The following COL7A1 variants were observed in gnomAD, a reference collection of about 807,000 sequenced individuals.
The protein encoded by COL7A1 is collagen alpha-1(VII) chain.
A neutral mutation model predicts 456.2 loss-of-function variants in COL7A1; 296 were observed. That is an observed-to-expected ratio of 0.65 (90% CI 0.59 to 0.71). The LOEUF is 0.71. Among genes scored for constraint, COL7A1 ranks in the 30% least tolerant of loss-of-function variants. The pLI, the probability that COL7A1 is intolerant of heterozygous loss-of-function variation, is 0.00. For missense variants in COL7A1, 3,441 were observed against 4,017.2 expected (o/e 0.86, Z 3.88); for synonymous variants, 1,464 against 1,525.9 (o/e 0.96, Z 0.95).
chr3:48,565,744 A>G lies in COL7A1; in HGVS notation c.8408-76T>C, dbSNP rs1230965218. On this transcript the variant is annotated intron_variant, in intron 114 of 118. Coordinates refer to ENST00000681320, the MANE Select transcript of COL7A1 (RefSeq NM_000094.4). This position sits in a 1 kb window ranked among gnomAD's most constrained non-coding sequence, Gnocchi z 4.5. ...AAGATGGAGAGACAGACAGAGACAC[A>G]CAGGCAGAGGGGTAGAGATACACAA... The G allele has an allele frequency of 1.4e-6, 2 of 1,391,668 alleles. No homozygotes were observed. The highest frequency in any genetic ancestry group is 2.0e-6 in the Non-Finnish European group (2 of 998,578). 86.2% of individuals were successfully genotyped at this position (1,391,668 alleles called of 1,614,324 possible).
In COL7A1 at chr3:48,580,137, GCCC is replaced by G; in HGVS notation, c.5098-83_5098-81del. On this transcript the variant is annotated intron_variant, in intron 56 of 118. Transcript: ENST00000681320. The surrounding 1 kb of genome is among the most constrained non-coding windows in gnomAD (Gnocchi z 4.5). The stretch of plus-strand genomic sequence containing the variant: ...TCTGGTTTGCCCCAGGCTCAACTCT[GCCC>G]CCAAGTTCCCCGAAGCACCCCAATG... 3 of 1,580,400 alleles carry G rather than the reference GCCC, an allele frequency of 1.9e-6. No individual in the cohort carries two copies. The highest frequency in any genetic ancestry group is 2.6e-6 in the Non-Finnish European group (3 of 1,154,090).
Position 48,574,784 on chromosome 3 carries a change from T to C in COL7A1, c.6348+13A>G. ...TGGCAGAGGGTGGCCCCGAGCTGAT[T>C]CCACACACTGACCTTAGCACCCTTG... On this transcript the variant is annotated intron_variant, in intron 77 of 118. Transcript: ENST00000681320. The surrounding 1 kb of genome is among the most constrained non-coding windows in gnomAD (Gnocchi z 5.0). The C allele has an allele frequency of 1.9e-6, 3 of 1,613,986 alleles. No individual in the cohort carries two copies. The highest frequency in any genetic ancestry group is 2.5e-6 in the Non-Finnish European group (3 of 1,180,010).
rs769808015 is a variant in COL7A1, at chr3:48,590,268, C to A, written c.1995G>T (p.Val665=). 3.7e-6 allele frequency: 6 copies of A among 1,613,964 alleles called. No individual in the cohort carries two copies. The East Asian group carries it at 1.1e-4, about 30-fold the overall frequency. ...LQPGTTYQVA[V]SVLRGREEGP... ...CCTCCTCTCTGCCTCGCAGTACCGA[C>A]ACAGCCACCTGGTAGGTGGTTCCAG... The change falls in exon 16 of 119, where the codon GTG becomes GTT. Residue 665 remains valine, a synonymous_variant. Transcript: ENST00000681320. This position sits in a 1 kb window ranked among gnomAD's most constrained non-coding sequence, Gnocchi z 4.6.
rs770409173 is a variant in COL7A1, at chr3:48,575,292, C to T, written c.6180+47G>A. 2.5e-6 allele frequency: 4 copies of T among 1,611,400 alleles called. No individual in the cohort carries two copies. The South Asian group carries it at 3.3e-5, about 13-fold the overall frequency. On this transcript the variant is annotated intron_variant, in intron 74 of 118. Transcript: ENST00000681320. This position sits in a 1 kb window ranked among gnomAD's most constrained non-coding sequence, Gnocchi z 6.3. ...GCCAAGCCCATGGGGGGTCCCACCC[C>T]TCCCAACCCCTCTTCCCTCACTCTC...
rs1393537216 is a variant in COL7A1 at position 48,585,955 on chromosome 3, T to C, written c.3744A>G (p.Pro1248=). 6.2e-7 allele frequency: 1 copy of C among 1,613,912 alleles called. No individual in the cohort carries two copies. The highest frequency in any genetic ancestry group is 1.3e-5 in the African/African-American group (1 of 74,900). The change falls in exon 29 of 119, where the codon CCA becomes CCG. Residue 1248 remains proline, a synonymous_variant. Transcript: ENST00000681320. The surrounding 1 kb of genome is among the most constrained non-coding windows in gnomAD (Gnocchi z 4.5). ...FTTQPRPEPC[P]VYCPKGQKGE... is the part of the protein sequence containing the mutation. Reference sequence around the variant, plus strand: ...GGACTCTTACCTTTGGACAATACACTGGGCAGGGCTCTGGCCGGGGCTGCG... The same window carrying C: ...GGACTCTTACCTTTGGACAATACACCGGGCAGGGCTCTGGCCGGGGCTGCG...
At position 48,564,707 on chromosome 3, in the gene COL7A1, C is replaced by T. The variant is rs776300078; in HGVS notation, c.8818+76G>A. ...CAGGACCCTGACCTGGAACCCTGGC[C>T]CAAGGACTCCTCCCCCAGAACCCGA... On this transcript the variant is annotated intron_variant, in intron 118 of 118. Transcript: ENST00000681320. This position sits in a 1 kb window ranked among gnomAD's most constrained non-coding sequence, Gnocchi z 6.0. The T allele has an allele frequency of 2.8e-4, 416 of 1,503,258 alleles. No homozygotes were observed. Among genetic ancestry groups the T allele is most frequent in the Non-Finnish European group, 3.5e-4 (390 of 1,107,546 alleles). The allele number at this position is 1,503,258 out of a possible 1,614,324, so 93.1% of individuals were successfully genotyped here.
At position 48,575,908 on chromosome 3, in the gene COL7A1, G is replaced by A; in HGVS notation, c.5821-6C>T. 1.9e-6 allele frequency: 3 copies of A among 1,614,146 alleles called. No individual in the cohort carries two copies. On this transcript the variant is annotated splice_polypyrimidine_tract_variant and splice_region_variant and intron_variant, in intron 71 of 118. Coordinates refer to ENST00000681320, the MANE Select transcript of COL7A1 (RefSeq NM_000094.4). The surrounding 1 kb of genome is among the most constrained non-coding windows in gnomAD (Gnocchi z 6.3). ...TCCAGCAACCGATCCACATTCTGGGGACAAAGTCTGGGTGAAGGGCTGCCC... is the reference window on the plus strand; with the variant it reads ...TCCAGCAACCGATCCACATTCTGGGAACAAAGTCTGGGTGAAGGGCTGCCC...
Position 48,576,675 on chromosome 3 carries a change from C to T in COL7A1, c.5700+1G>A. On this transcript the variant is annotated splice_donor_variant, in intron 68 of 118. Coordinates refer to ENST00000681320, the MANE Select transcript of COL7A1 (RefSeq NM_000094.4). LOFTEE classifies it high-confidence loss of function. ...GTCCCAGAATGACCCAGGACACTCA[C>T]CTGGCCAGGAGGGCCCACTGGCCCT... 1 of 1,604,292 alleles carries T rather than the reference C, an allele frequency of 6.2e-7. No individual in the cohort carries two copies. Among genetic ancestry groups the T allele is most frequent in the Non-Finnish European group, 8.5e-7 (1 of 1,175,952 alleles).
Position 48,588,511 on chromosome 3 carries a change from C to T in COL7A1, c.2588-107G>A. 10 of 1,598,666 alleles carry T rather than the reference C, an allele frequency of 6.3e-6. No homozygotes were observed. The highest frequency in any genetic ancestry group is 8.5e-6 in the Non-Finnish European group (10 of 1,174,232). On this transcript the variant is annotated intron_variant, in intron 20 of 118. Coordinates refer to ENST00000681320, the MANE Select transcript of COL7A1 (RefSeq NM_000094.4). This position sits in a 1 kb window ranked among gnomAD's most constrained non-coding sequence, Gnocchi z 4.6. ...CCCGCCCAGCCTCTCAGACCCCTCT[C>T]CCTCCTCTCAGACCCTGCCCCCAAA...
At position 48,587,318 on chromosome 3, in the gene COL7A1, T is replaced by G. The variant is rs751571665; in HGVS notation, c.3011A>C (p.Gln1004Pro). 1.2e-6 allele frequency: 2 copies of G among 1,601,336 alleles called. No homozygotes were observed. Among genetic ancestry groups the G allele is most frequent in the Non-Finnish European group, 1.7e-6 (2 of 1,173,900 alleles). Residue 1004 changes from glutamine (Q) to proline (P), a missense_variant, in exon 24 of 119, where the codon CAG (glutamine) becomes CCG (proline). Physicochemically the swap from Gln to Pro is moderately conservative, Grantham distance 76 (BLOSUM62 -1). Transcript: ENST00000681320. The surrounding 1 kb of genome is among the most constrained non-coding windows in gnomAD (Gnocchi z 6.1). The part of the protein sequence containing the change: ...GPGQEVPGSP[Q>P]TLPGISSSQR... The stretch of plus-strand genomic sequence containing the variant: ...GGAGCTTGAGATCCCTGGAAGTGTC[T>G]GCGGGGACCCAGGCACTTCTGCAGG...
Position 48,590,358 on chromosome 3 carries a change from T to G in COL7A1, c.1907-2A>C. 1.2e-6 allele frequency: 2 copies of G among 1,614,044 alleles called. No individual in the cohort carries two copies. The highest frequency in any genetic ancestry group is 1.7e-6 in the Non-Finnish European group (2 of 1,179,994). ...GCAGTGTCTGGCTGGACTCCGGACC[T>G]GAGGTCAGAGGGAAATGCTGGCATG... On this transcript the variant is annotated splice_acceptor_variant, in intron 15 of 118. Coordinates refer to ENST00000681320, the MANE Select transcript of COL7A1 (RefSeq NM_000094.4). LOFTEE classifies it high-confidence loss of function. This position sits in a 1 kb window ranked among gnomAD's most constrained non-coding sequence, Gnocchi z 4.6.
In COL7A1 at chr3:48,565,793, G is replaced by A. The variant is rs2043581827; in HGVS notation, c.8408-125C>T. The A allele has an allele frequency of 4.3e-6, 4 of 921,840 alleles. No homozygotes were observed. The highest frequency in any genetic ancestry group is 6.9e-6 in the Non-Finnish European group (4 of 577,746). 57.1% of individuals were successfully genotyped at this position (921,840 alleles called of 1,614,324 possible). A position where few individuals can be genotyped will look rare whatever the true frequency, so the allele number is the denominator to read the frequency against. On this transcript the variant is annotated intron_variant, in intron 114 of 118. Transcript: ENST00000681320. The surrounding 1 kb of genome is among the most constrained non-coding windows in gnomAD (Gnocchi z 4.5). Reference sequence around the variant, plus strand: ...AAAGAGATAGCAGGAGAGGGTAACAGGAGAGAGAGGAAGAGAGAGGGTGGG... The same window carrying A: ...AAAGAGATAGCAGGAGAGGGTAACAAGAGAGAGAGGAAGAGAGAGGGTGGG...
At position 48,574,152 on chromosome 3, in the gene COL7A1, C is replaced by T. The variant is rs2044123689; in HGVS notation, c.6501+110G>A. On this transcript the variant is annotated intron_variant, in intron 80 of 118. Transcript: ENST00000681320. This position sits in a 1 kb window ranked among gnomAD's most constrained non-coding sequence, Gnocchi z 5.0. ...AAGCAGGCACACACAGAGAGGCACA[C>T]AGACACAGGTACACACAAACACACA... 3 of 1,401,262 alleles carry T rather than the reference C, an allele frequency of 2.1e-6. No individual in the cohort carries two copies. Among genetic ancestry groups the T allele is most frequent in the Non-Finnish European group, 3.0e-6 (3 of 994,824 alleles). The allele number at this position is 1,401,262 out of a possible 1,614,324, so 86.8% of individuals were successfully genotyped here.
In COL7A1 at chr3:48,591,898, C is replaced by T; in HGVS notation, c.1357G>A (p.Gly453Ser). The change falls in exon 11 of 119, where the codon GGC becomes AGC. Residue 453 changes from glycine (G) to serine (S), a missense_variant and splice_region_variant. By Grantham distance (56) the Gly-to-Ser change is moderately conservative. Coordinates refer to ENST00000681320, the MANE Select transcript of COL7A1 (RefSeq NM_000094.4). This position sits in a 1 kb window ranked among gnomAD's most constrained non-coding sequence, Gnocchi z 7.0. ...TGTCCATCCCTTCCCCCGCACTGAC[C>T]AGTCTCACGCCGCCATTCCAACCGG... ...GYRLEWRRETGLEPPQKVVLP... is the reference protein window; with the variant it reads ...GYRLEWRRETSLEPPQKVVLP... The T allele has an allele frequency of 6.2e-7, 1 of 1,614,174 alleles. No individual in the cohort carries two copies. Among genetic ancestry groups the T allele is most frequent in the Non-Finnish European group, 8.5e-7 (1 of 1,180,030 alleles).
chr3:48,565,453 G>T lies in COL7A1; in HGVS notation c.8484C>A (p.Leu2828=). The T allele has an allele frequency of 6.2e-7, 1 of 1,613,210 alleles. No individual in the cohort carries two copies. Among genetic ancestry groups the T allele is most frequent in the Non-Finnish European group, 8.5e-7 (1 of 1,179,654 alleles). The change falls in exon 116 of 119, where the codon CTC becomes CTA. Residue 2828 remains leucine (L), a synonymous_variant. Coordinates refer to ENST00000681320, the MANE Select transcript of COL7A1 (RefSeq NM_000094.4). This position sits in a 1 kb window ranked among gnomAD's most constrained non-coding sequence, Gnocchi z 4.5. ...AGACGCGGAGCACAGGCACAGCATG[G>T]AGCTGGGAGCCGGCAGTGTCTGCAG... is the stretch of plus-strand genomic sequence containing the variant. ...SYAADTAGSQ[L]HAVPVLRVSH... is the part of the protein sequence containing the mutation.
At position 48,593,501 on chromosome 3, in the gene COL7A1, G is replaced by A; in HGVS notation, c.426+36C>T. Reference sequence around the variant, plus strand: ...CGGTTCCCCTGGACACTTCATTTGGGGTCATCTTGGGAGGCATGGTAGGGG... The same window carrying A: ...CGGTTCCCCTGGACACTTCATTTGGAGTCATCTTGGGAGGCATGGTAGGGG... On this transcript the variant is annotated intron_variant, in intron 4 of 118. Coordinates refer to ENST00000681320, the MANE Select transcript of COL7A1 (RefSeq NM_000094.4). The surrounding 1 kb of genome is among the most constrained non-coding windows in gnomAD (Gnocchi z 4.4). The A allele has an allele frequency of 6.2e-7, 1 of 1,613,964 alleles. No homozygotes were observed. The highest frequency in any genetic ancestry group is 1.1e-5 in the South Asian group (1 of 91,080).
chr3:48,575,700 T>C lies in COL7A1; in HGVS notation c.5905A>G (p.Ser1969Gly). ...CGCCGTTCGGGCACAGGCAGGAAGC[T>C]ACCAGAGCTCTCATCCCAGGTCTCC... ...IVETWDESSG[S>G]FLPVPERRRG... is the part of the protein sequence containing the mutation. The change falls in exon 73 of 119, where the codon AGC becomes GGC. Residue 1969 changes from serine to glycine, a missense_variant. Physicochemically the swap from Ser to Gly is moderately conservative, Grantham distance 56. Around this residue, in one of 3 missense-constraint regions of COL7A1, gnomAD observed 2,084 missense variants for 2,501.3 expected, o/e 0.83. Transcript: ENST00000681320. This position sits in a 1 kb window ranked among gnomAD's most constrained non-coding sequence, Gnocchi z 6.3. 1 of 1,613,742 alleles carries C rather than the reference T, an allele frequency of 6.2e-7. No homozygotes were observed. Among genetic ancestry groups the C allele is most frequent in the South Asian group, 1.1e-5 (1 of 91,090 alleles).
rs1465875669 is a variant in COL7A1 at position 48,569,774 on chromosome 3, G to A, written c.7522-14C>T. ...CCCAACATCACCCTATTGGGCAAAA[G>A]AGTGTGAGTCCCGCCCAAACTGGGG... On this transcript the variant is annotated splice_polypyrimidine_tract_variant and intron_variant, in intron 100 of 118. Coordinates refer to ENST00000681320, the MANE Select transcript of COL7A1 (RefSeq NM_000094.4). The surrounding 1 kb of genome is among the most constrained non-coding windows in gnomAD (Gnocchi z 4.9). The A allele has an allele frequency of 2.5e-6, 4 of 1,614,166 alleles. No homozygotes were observed. Among genetic ancestry groups the A allele is most frequent in the East Asian group, 4.5e-5 (2 of 44,866 alleles).
rs1249765832 is a variant in COL7A1 at position 48,578,890 on chromosome 3, C to G, written c.5424+29G>C. 1 of 1,610,642 alleles carries G rather than the reference C, an allele frequency of 6.2e-7. No homozygotes were observed. Among genetic ancestry groups the G allele is most frequent in the Non-Finnish European group, 8.5e-7 (1 of 1,177,958 alleles). ...TTGGAGCTTACGCAGCCCCGAGCCCCCTCTGTCCCAGCATCTCCCCTCACT... is the reference window on the plus strand; with the variant it reads ...TTGGAGCTTACGCAGCCCCGAGCCCGCTCTGTCCCAGCATCTCCCCTCACT... On this transcript the variant is annotated intron_variant, in intron 63 of 118. Transcript: ENST00000681320. The surrounding 1 kb of genome is among the most constrained non-coding windows in gnomAD (Gnocchi z 4.7).
Sources: gnomAD v4.1 joint callset for allele counts on GRCh38, gnomAD v4.1.1 for gene constraint, gnomAD v4.1.1 regional missense constraint, Gnocchi (gnomAD v3.1) non-coding constraint, MANE v1.5 for transcripts, NCBI Gene and HGNC (gene_info 2026-07-23, HGNC 2026-07-21) for gene names.